Variants in OR51B5 observed in about 807,000 individuals in gnomAD.
The protein encoded by OR51B5 is olfactory receptor 51B5.
For missense variants in OR51B5, 456 were observed against 374.6 expected (o/e 1.22, Z -1.79); for synonymous variants, 186 against 144.8 (o/e 1.28, Z -2.04).
At chr11:5,351,228 A>G (rs564055092) in intron 1 of OR51B5, among the ~76,000 whole-genome samples, 19 of 152,330 alleles carry the variant, frequency 1.2e-4, no homozygotes, top group African/African-American at 4.1e-4. Context: ...ATGATTTACA[A>G]TGAATTCAAC....
chr11:5,406,854 A>G (rs1850064789), intron 1 of OR51B5, among the ~76,000 whole-genome samples: 1 of 152,130 alleles, frequency 6.6e-6, no homozygotes, highest in East Asian at 1.9e-4. Flanking sequence ...ATAGATGAGT[A>G]AATAAGAAGA....
In OR51B5 at chr11:5,398,636, A is replaced by G. The variant is rs1034023272; in HGVS notation, n.85-51726T>C. On this transcript the variant is annotated intron_variant and non_coding_transcript_variant, in intron 1 of 4. Transcript: ENST00000415970. ...TTGAATTGTAATCCCCATAATCCCT[A>G]TATGTCGGGGGAGGGACCAGGTGGG... Among the ~76,000 whole-genome samples, 6 of 151,980 alleles carry G rather than the reference A, an allele frequency of 3.9e-5. No homozygotes were observed. In the South Asian group the frequency reaches 6.2e-4, roughly 16 times the overall value.
chr11:5,460,592 A>C (rs1457894108), intron 1 of OR51B5, among the ~76,000 whole-genome samples: 1 of 119,514 alleles, frequency 8.4e-6, no homozygotes, highest in Non-Finnish European at 1.8e-5. Context: ...TAGCCATTTC[A>C]ATCAGGTTAA....
chr11:5,442,972 C>T (rs915589676), intron 1 of OR51B5, among the ~76,000 whole-genome samples: 1 of 152,138 alleles, frequency 6.6e-6, no homozygotes, highest in Admixed American at 6.6e-5. Flanking sequence ...CTTGGCTTCT[C>T]CTTCTCTGCC....
At chr11:5,356,435 A>T (rs1845256086) in intron 1 of OR51B5, among the ~76,000 whole-genome samples, 1 of 150,498 alleles carries the variant, frequency 6.6e-6, no homozygotes, top group African/African-American at 2.5e-5. Flanking sequence ...AAAAAAGAAT[A>T]AAAAGAAATG....
chr11:5,463,854 C>T (rs1301017989), intron 1 of OR51B5, among the ~76,000 whole-genome samples: 1 of 152,152 alleles, frequency 6.6e-6, no homozygotes, highest in East Asian at 1.9e-4. Context: ...ACCAAATATT[C>T]CTTTTAAAAT....
intron 1 of OR51B5, among the ~76,000 whole-genome samples, chr11:5,491,582 G>A (rs753088924): frequency 1.2e-4 from 19 of 152,306 alleles, no homozygotes; most frequent in African/African-American, 1.7e-4. Context: ...ATTACATTTC[G>A]AGGGGGCCTC....
At chr11:5,441,331 A>G (rs2133776530) in intron 1 of OR51B5, 2 of 1,614,002 alleles carry the variant, frequency 1.2e-6, no homozygotes, top group Non-Finnish European at 1.7e-6. Context: ...AGGAAGTAGT[A>G]CATGGGCTGA....
intron 1 of OR51B5, among the ~76,000 whole-genome samples, chr11:5,471,172 T>C (rs138879093): frequency 6.6e-6 from 1 of 152,336 alleles, no homozygotes; most frequent in Non-Finnish European, 1.5e-5. Flanking sequence ...GCATTTATTA[T>C]GTACTTGTTT....
chr11:5,342,663 T>C (rs750081550), exon 1 of OR51B5: 15 of 1,613,742 alleles, frequency 9.3e-6, no homozygotes, highest in African/African-American at 2.7e-5. Context: ...CTATATGTTA[T>C]AGGATTCATT....
intron 1 of OR51B5, among the ~76,000 whole-genome samples, chr11:5,475,816 C>T (rs1851296884): frequency 6.6e-6 from 1 of 152,188 alleles, no homozygotes; most frequent in Admixed American, 6.5e-5. Flanking sequence ...ATAACAGCAT[C>T]AGCATTCCTT....
chr11:5,478,902 G>C (rs1851364354), intron 1 of OR51B5, among the ~76,000 whole-genome samples: 1 of 150,820 alleles, frequency 6.6e-6, no homozygotes, highest in Admixed American at 6.6e-5. Context: ...ACCTGAAAGT[G>C]ATGAGGAGAA....
chr11:5,355,859 G>C (rs4910763), intron 1 of OR51B5, among the ~76,000 whole-genome samples: 57,509 of 151,670 alleles, frequency 0.38, 11,102 homozygotes, highest in Non-Finnish European at 0.41. Context: ...TAGTGACATA[G>C]GCGTCAATAT....
In OR51B5 at chr11:5,494,947, A is replaced by C. The variant is rs540457659; in HGVS notation, n.84+10622T>G. ...TTTTTAACAGCAGGTGATATGGACAACTCCAAACATACCACTGGAGAAAGT... is the reference window on the plus strand; with the variant it reads ...TTTTTAACAGCAGGTGATATGGACACCTCCAAACATACCACTGGAGAAAGT... On this transcript the variant is annotated intron_variant and non_coding_transcript_variant, in intron 1 of 4. Transcript: ENST00000415970. Among the ~76,000 whole-genome samples, 5 of 152,300 alleles carry C rather than the reference A, an allele frequency of 3.3e-5. No homozygotes were observed. In the South Asian group the frequency reaches 8.3e-4, roughly 25 times the overall value.
chr11:5,431,159 C>G (rs1277393583), intron 1 of OR51B5: 3 of 383,038 alleles, frequency 7.8e-6, no homozygotes, highest in Non-Finnish European at 1.6e-5. Flanking sequence ...AGTGTAATGC[C>G]CAGACCCATG....
At chr11:5,352,515 G>A in intron 1 of OR51B5, 4 of 947,628 alleles carry the variant, frequency 4.2e-6, no homozygotes, top group Non-Finnish European at 6.4e-6. Flanking sequence ...GCCAGCATAA[G>A]TAACTAGGGA....
At chr11:5,343,143 G>A in exon 1 of OR51B5, 1 of 1,613,878 alleles carries the variant, frequency 6.2e-7, no homozygotes, top group Non-Finnish European at 8.5e-7. Context: ...GTATATCTAA[G>A]AGGGTTGCAG....
chr11:5,343,294 G>A (rs1033766836), exon 1 of OR51B5: 19 of 1,612,010 alleles, frequency 1.2e-5, no homozygotes, highest in Non-Finnish European at 1.4e-5. Context: ...CCAGCACCGT[G>A]GGCATTGTGG....
chr11:5,383,505 G>A (rs11037129), intron 1 of OR51B5, among the ~76,000 whole-genome samples: 19,387 of 152,178 alleles, frequency 0.13, 1,352 homozygotes, highest in South Asian at 0.16. Context: ...TCTGGAAAAC[G>A]ACGGGTCCAT....
Sources: allele counts gnomAD v4.1 joint callset (sites outside exome capture counted in the v4.1 genomes callset), GRCh38; gene constraint gnomAD v4.1.1; transcripts MANE v1.5; gene names NCBI Gene and HGNC (gene_info 2026-07-23, HGNC 2026-07-21).